The following MYO3B variants were observed in gnomAD, a reference collection of about 807,000 sequenced individuals.
MYO3B encodes myosin-IIIb.
MYO3B carries 156 observed loss-of-function variants against 174.6 expected under a neutral mutation model. That is an observed-to-expected ratio of 0.89 (90% confidence interval 0.78 to 1.02). The LOEUF is 1.02. Among genes scored for constraint, MYO3B ranks in the 50% least tolerant of loss-of-function variants. MYO3B has a pLI of 0.00. For synonymous variants in MYO3B, 563 were observed against 569.1 expected, an observed-to-expected ratio of 0.99 and a Z score of 0.15; for missense variants, 1,632 against 1,639.4, an observed-to-expected ratio of 1.00 and a Z score of 0.08.
At chr2:170,645,603 A>C (rs780541340) in intron 32 of MYO3B, among the ~76,000 whole-genome samples, 3 of 152,196 alleles carry the variant, frequency 2.0e-5, no homozygotes, top group Non-Finnish European at 4.4e-5. Flanking sequence ...TGACTGGCCC[A>C]AAATCCAAAA....
intron 8 of MYO3B, 81 bp from the exon 9 acceptor site, chr2:170,369,141 C>A (rs2094220177): frequency 1.5e-6 from 2 of 1,307,188 alleles, no homozygotes; most frequent in Non-Finnish European, 1.0e-6. Flanking sequence ...GAGCTTTTAC[C>A]TTCTCTCCAT....
chr2:170,337,918 G>C (rs1165876225), intron 8 of MYO3B: 1 of 152,184 alleles, frequency 6.6e-6, no homozygotes, highest in Non-Finnish European at 1.5e-5. Flanking sequence ...AATAGGCTGA[G>C]GGGGAGGAAG....
At chr2:170,650,813 A>G (rs1698954524) in intron 32 of MYO3B, among the ~76,000 whole-genome samples, 1 of 150,080 alleles carries the variant, frequency 6.7e-6, no homozygotes, top group South Asian at 2.1e-4. Context: ...CCTCCCGAGT[A>G]GCTGGGATCA....
At chr2:170,511,355 C>T (rs1423176461) in intron 28 of MYO3B, among the ~76,000 whole-genome samples, 4 of 151,906 alleles carry the variant, frequency 2.6e-5, no homozygotes, top group Admixed American at 6.6e-5. Flanking sequence ...CGTGAGCCAC[C>T]GCGCCCAGCC....
intron 22 of MYO3B, among the ~76,000 whole-genome samples, chr2:170,409,288 TC>T (rs1299687685): frequency 1.3e-5 from 2 of 152,210 alleles, no homozygotes; most frequent in Non-Finnish European, 2.9e-5. Context: ...CTCCCTTGAT[TC>T]ACCCAACTGC....
In MYO3B at chr2:170,404,311, T is replaced by A. The variant is rs778635248; in HGVS notation, c.2342T>A (p.Leu781Ter). Reference protein sequence around the residue: ...PVEYEDNRPLLDMFLQKPLGL... With the variant: ...PVEYEDNRPL ...GAATATGAGGACAACCGCCCGCTCTTGGACATGTTCCTCCAGAAACCCCTG... is the reference window on the plus strand; with the variant it reads ...GAATATGAGGACAACCGCCCGCTCTAGGACATGTTCCTCCAGAAACCCCTG... The change falls in exon 20 of 35, where the codon TTG becomes TAG. Residue 781 changes from leucine to a stop codon, truncating the protein, a stop_gained. Coordinates refer to ENST00000408978, the MANE Select transcript of MYO3B (RefSeq NM_138995.5). LOFTEE classifies it high-confidence loss of function. 6.2e-7 allele frequency: 1 copy of A among 1,613,854 alleles called. No homozygotes were observed. Among genetic ancestry groups the A allele is most frequent in the South Asian group, 1.1e-5 (1 of 91,018 alleles).
chr2:170,577,175 G>T (rs1399256042), intron 32 of MYO3B, among the ~76,000 whole-genome samples: 1 of 152,180 alleles, frequency 6.6e-6, no homozygotes, highest in Non-Finnish European at 1.5e-5. Context: ...AGAACTCAAA[G>T]TTGTGAGGAG....
At chr2:170,351,618 A>AGG (rs1191937151) in intron 8 of MYO3B, among the ~76,000 whole-genome samples, 2 of 152,060 alleles carry the variant, frequency 1.3e-5, no homozygotes, top group Non-Finnish European at 2.9e-5. Context: ...CTAGAATAGG[A>AGG]GGGTGGGCAA....
At chr2:170,314,777 G>T (rs1298589019) in intron 7 of MYO3B, among the ~76,000 whole-genome samples, 1 of 152,194 alleles carries the variant, frequency 6.6e-6, no homozygotes, top group Non-Finnish European at 1.5e-5. Flanking sequence ...TTCTAGAATG[G>T]GAAGTGTTGG....
At chr2:170,542,565 A>G (rs963025815) in intron 30 of MYO3B, among the ~76,000 whole-genome samples, 1 of 152,212 alleles carries the variant, frequency 6.6e-6, no homozygotes. Context: ...CTGTGCAGGA[A>G]GTGTAGCCTT....
intron 7 of MYO3B, among the ~76,000 whole-genome samples, chr2:170,265,635 G>A (rs2093377667): frequency 6.6e-6 from 1 of 152,230 alleles, no homozygotes; most frequent in Non-Finnish European, 1.5e-5. Context: ...GATAATGGAA[G>A]TAAAGGACTG....
chr2:170,569,360 T>A (rs1341237244), intron 32 of MYO3B, among the ~76,000 whole-genome samples: 2 of 152,252 alleles, frequency 1.3e-5, no homozygotes, highest in South Asian at 2.1e-4. Flanking sequence ...AATGACTGTA[T>A]AATAAGATAC....
intron 16 of MYO3B, among the ~76,000 whole-genome samples, chr2:170,393,292 C>G (rs1192970895): frequency 1.3e-5 from 2 of 151,842 alleles, no homozygotes; most frequent in East Asian, 3.9e-4. Context: ...CCATGTTGGC[C>G]AAGCTGGTCT....
At chr2:170,559,983 C>T (rs1169467032) in intron 32 of MYO3B, among the ~76,000 whole-genome samples, 1 of 152,038 alleles carries the variant, frequency 6.6e-6, no homozygotes, top group Admixed American at 6.6e-5. Context: ...AGGACTTATC[C>T]AAAAATAAGA....
At chr2:170,579,995 A>G (rs1009610661) in intron 32 of MYO3B, among the ~76,000 whole-genome samples, 10 of 151,890 alleles carry the variant, frequency 6.6e-5, no homozygotes, top group Middle Eastern at 3.2e-3. Context: ...ATGCTTAAAG[A>G]CTCTTTTCTA....
chr2:170,602,333 T>A, intron 32 of MYO3B: 1 of 666,172 alleles, frequency 1.5e-6, no homozygotes, highest in Non-Finnish European at 2.7e-6. Flanking sequence ...GCAGTGGCTG[T>A]GAGAGTGGGA....
intron 32 of MYO3B, among the ~76,000 whole-genome samples, chr2:170,594,269 G>A (rs562697871): frequency 7.9e-5 from 12 of 151,986 alleles, no homozygotes; most frequent in East Asian, 3.9e-4. Flanking sequence ...TACCACCACC[G>A]CCATGGCCAA....
intron 22 of MYO3B, among the ~76,000 whole-genome samples, chr2:170,422,928 T>G (rs1043655885): frequency 6.6e-6 from 1 of 151,992 alleles, no homozygotes; most frequent in Non-Finnish European, 1.5e-5. Context: ...TGATGTGCAT[T>G]TTATATCTAT....
intron 32 of MYO3B, among the ~76,000 whole-genome samples, chr2:170,619,801 C>T (rs1192616154): frequency 7.8e-5 from 9 of 116,092 alleles, no homozygotes; most frequent in Non-Finnish European, 1.5e-4. Context: ...AGCTAGAGTG[C>T]GGTGGGGTGA....
Sources: gnomAD v4.1 joint callset for allele counts (sites outside exome capture counted in the v4.1 genomes callset) on GRCh38, gnomAD v4.1.1 for gene constraint, MANE v1.5 for transcripts, NCBI Gene and HGNC (gene_info 2026-07-23, HGNC 2026-07-21) for gene names.